The following PXK variants were observed in gnomAD, a reference collection of about 807,000 sequenced individuals.
PXK encodes the protein PX domain-containing protein kinase-like protein.
A neutral mutation model predicts 84.7 loss-of-function variants in PXK; 35 were observed. That is an observed-to-expected ratio of 0.41 (90% CI 0.32 to 0.55). PXK has a LOEUF of 0.55. Among genes scored for constraint, PXK ranks in the 20% least tolerant of loss-of-function variants. The pLI is 0.21. For synonymous variants in PXK, 253 were observed against 260.8 expected (o/e 0.97, Z 0.29); for missense variants, 634 against 699.7 (o/e 0.91, Z 1.06).
chr3:58,419,974 C>G lies in PXK; in HGVS notation c.1529-4778C>G, dbSNP rs536976897. Among the ~76,000 whole-genome samples, 4 of 152,382 alleles carry G rather than the reference C, an allele frequency of 2.6e-5. No individual in the cohort carries two copies. The East Asian group carries it at 5.8e-4, about 22-fold the overall frequency. On this transcript the variant is annotated intron_variant, in intron 17 of 17. Transcript: ENST00000356151. ...GCTCACAGGGCCTCAGGGAGGGGCCCAGTGCTTCCGCCTTGAGGATGCTTG... is the reference window on the plus strand; with the variant it reads ...GCTCACAGGGCCTCAGGGAGGGGCCGAGTGCTTCCGCCTTGAGGATGCTTG...
At chr3:58,365,164 C>T (rs1008060112) in intron 1 of PXK, among the ~76,000 whole-genome samples, 1 of 151,948 alleles carries the variant, frequency 6.6e-6, no homozygotes, top group African/African-American at 2.4e-5. Flanking sequence ...AAATTTCCCT[C>T]TCAGTGCTGT....
chr3:58,366,041 A>G lies in PXK; in HGVS notation c.153+117A>G, dbSNP rs895022862. The G allele has an allele frequency of 2.0e-5, 17 of 840,376 alleles. No individual in the cohort carries two copies. The Admixed American group carries it at 4.3e-4, about 21-fold the overall frequency. The allele number at this position is 840,376 out of a possible 1,614,324, so 52.1% of individuals were successfully genotyped here. A position where few individuals can be genotyped will look rare whatever the true frequency, so the allele number is the denominator to read the frequency against. On this transcript the variant is annotated intron_variant, in intron 2 of 17. Transcript: ENST00000356151. ...ATCAGAACATGCATAAATATAAATC[A>G]TGTTTCTTTTAGCTATAAACTTTTA...
At chr3:58,365,586 C>T (rs1330901556) in intron 1 of PXK, among the ~76,000 whole-genome samples, 1 of 152,128 alleles carries the variant, frequency 6.6e-6, no homozygotes, top group Non-Finnish European at 1.5e-5. Flanking sequence ...GTATTGAAGT[C>T]TTCAACTATA....
intron 1 of PXK, among the ~76,000 whole-genome samples, chr3:58,350,800 T>A (rs2097907938): frequency 6.6e-6 from 1 of 152,196 alleles, no homozygotes; most frequent in Non-Finnish European, 1.5e-5. Context: ...CTGCATGGCA[T>A]GTGTACTGTG....
intron 13 of PXK, among the ~76,000 whole-genome samples, chr3:58,405,962 T>A (rs980493931): frequency 2.0e-5 from 3 of 149,760 alleles, no homozygotes; most frequent in Admixed American, 1.3e-4. Flanking sequence ...CTTTATATAA[T>A]TTTTTAAATA....
intron 2 of PXK, among the ~76,000 whole-genome samples, chr3:58,366,491 G>A (rs542842689): frequency 6.6e-6 from 1 of 152,032 alleles, no homozygotes; most frequent in Admixed American, 6.6e-5. Flanking sequence ...ACTTACAGAG[G>A]GTGGCTGAAT....
chr3:58,407,007 A>C lies in PXK; in HGVS notation c.1231-1917A>C, dbSNP rs1321128747. On this transcript the variant is annotated intron_variant, in intron 13 of 17. Transcript: ENST00000356151. The surrounding 1 kb of genome is among the most constrained non-coding windows in gnomAD (Gnocchi z 4.3). ...TTTTACCTCTTGTCTGTCATGAATAATGCTGCAGTGAACATGGGTGTGCAA... is the reference window on the plus strand; with the variant it reads ...TTTTACCTCTTGTCTGTCATGAATACTGCTGCAGTGAACATGGGTGTGCAA... Among the ~76,000 whole-genome samples, 1 of 152,192 alleles carries C rather than the reference A, an allele frequency of 6.6e-6. No individual in the cohort carries two copies. Among genetic ancestry groups the C allele is most frequent in the Non-Finnish European group, 1.5e-5 (1 of 68,038 alleles).
intron 2 of PXK, among the ~76,000 whole-genome samples, chr3:58,368,026 G>A (rs2098301954): frequency 6.6e-6 from 1 of 151,754 alleles, no homozygotes; most frequent in African/African-American, 2.4e-5. Flanking sequence ...TTGTAGAAAA[G>A]GGGTCTTGCT....
intron 3 of PXK, among the ~76,000 whole-genome samples, chr3:58,378,957 C>G (rs1576305977): frequency 6.7e-6 from 1 of 150,190 alleles, no homozygotes; most frequent in African/African-American, 2.5e-5. Context: ...GAGTTTTGCT[C>G]TGTTGCCCAG....
At chr3:58,345,725 G>A (rs1482714077) in intron 1 of PXK, among the ~76,000 whole-genome samples, 2 of 152,088 alleles carry the variant, frequency 1.3e-5, no homozygotes, top group African/African-American at 4.8e-5. Flanking sequence ...TGCTTCCTGT[G>A]TGCCCATTTG....
At chr3:58,386,686 T>A (rs1339458336) in intron 4 of PXK, among the ~76,000 whole-genome samples, 1 of 152,110 alleles carries the variant, frequency 6.6e-6, no homozygotes, top group African/African-American at 2.4e-5. Context: ...TATACCCTCT[T>A]GGAGTAAGGG....
At position 58,411,021 on chromosome 3, in the gene PXK, C is replaced by T. The variant is rs567552886; in HGVS notation, c.1465+862C>T. 6.6e-6 allele frequency among the ~76,000 whole-genome samples: 1 copy of T among 152,290 alleles called. No individual in the cohort carries two copies. The highest frequency in any genetic ancestry group is 1.9e-4 in the East Asian group (1 of 5,178). On this transcript the variant is annotated intron_variant, in intron 16 of 17. Transcript: ENST00000356151. The surrounding 1 kb of genome is among the most constrained non-coding windows in gnomAD (Gnocchi z 4.2). ...TAGCATCCAAAGCCCAGCTATCAGT[C>T]TCAACTTTGAGGAAACCCATGCATC...
In PXK at chr3:58,424,978, T is replaced by C. The variant is rs1252182550; in HGVS notation, c.*18T>C. ...TCGGCTGAAGCTTCCTGTTTACACT[T>C]GGAGGGAAAAGTTCTTTTTTATTCC... On this transcript the variant is annotated 3_prime_UTR_variant, in exon 18 of 18. Coordinates refer to ENST00000356151, the MANE Select transcript of PXK (RefSeq NM_017771.5). 6.2e-7 allele frequency: 1 copy of C among 1,613,128 alleles called. No individual in the cohort carries two copies. Among genetic ancestry groups the C allele is most frequent in the African/African-American group, 1.3e-5 (1 of 74,882 alleles).
intron 1 of PXK, among the ~76,000 whole-genome samples, chr3:58,342,680 TA>T: frequency 6.6e-6 from 1 of 151,542 alleles, no homozygotes; most frequent in South Asian, 2.1e-4. Flanking sequence ...AAAAACTTTT[TA>T]AAACTGTAAA....
chr3:58,360,831 GAAAA>G (rs762223630), intron 1 of PXK, among the ~76,000 whole-genome samples: 3 of 109,732 alleles, frequency 2.7e-5, no homozygotes, highest in Admixed American at 1.9e-4. Context: ...GACCCCGACT[GAAAA>G]AAAAAAAAAA....
chr3:58,346,026 T>C (rs1418333116), intron 1 of PXK, among the ~76,000 whole-genome samples: 3 of 152,226 alleles, frequency 2.0e-5, no homozygotes. Context: ...GCTGTGAGTA[T>C]GCCCTGTGTT....
chr3:58,420,574 G>C (rs761159762), intron 17 of PXK: 38 of 1,535,860 alleles, frequency 2.5e-5, no homozygotes, highest in African/African-American at 4.1e-5. Context: ...TTTCGGTAAA[G>C]TAAACTATGC....
chr3:58,381,243 C>T (rs113568676), intron 3 of PXK, among the ~76,000 whole-genome samples: 7,911 of 66,272 alleles, frequency 0.12, 314 homozygotes, highest in Non-Finnish European at 0.16. Flanking sequence ...TGCGAGACTC[C>T]GTCTCAAAAA....
chr3:58,355,585 G>A (rs2098058214), intron 1 of PXK, among the ~76,000 whole-genome samples: 1 of 152,196 alleles, frequency 6.6e-6, no homozygotes, highest in South Asian at 2.1e-4. Context: ...GTACCTTTGA[G>A]TACCTACTAC....
Sources: allele counts gnomAD v4.1 joint callset (sites outside exome capture counted in the v4.1 genomes callset), GRCh38; gene constraint gnomAD v4.1.1; non-coding constraint Gnocchi (gnomAD v3.1); transcripts MANE v1.5; gene names NCBI Gene and HGNC (gene_info 2026-07-23, HGNC 2026-07-21).